The following TMEM143 variants were observed in gnomAD, a reference collection of about 807,000 sequenced individuals.
TMEM143 encodes transmembrane protein 143.
Under a neutral mutation model 40.3 loss-of-function variants are expected in TMEM143, and 45 were observed. That is an observed-to-expected ratio of 1.12 (90% CI 0.88 to 1.43). The LOEUF is 1.43. Among genes scored for constraint, TMEM143 ranks in the 40% most tolerant of loss-of-function variants. The probability of loss-of-function intolerance (pLI) is 0.00; values close to 1 mark genes in which losing one functional copy is unlikely to be tolerated. For missense variants in TMEM143, 620 were observed against 613.4 expected (o/e 1.01, Z -0.11); for synonymous variants, 299 against 282.7 (o/e 1.06, Z -0.58).
rs1969251312 is a variant in TMEM143, at chr19:48,333,132, A to G, written c.*87T>C. ...TCAGTTATTGGAAGTTGGAGTGAAA[A>G]GTATAATAACCGTAATTGACAGCCT... On this transcript the variant is annotated 3_prime_UTR_variant, in exon 8 of 8. Transcript: ENST00000293261. The surrounding 1 kb of genome is among the most constrained non-coding windows in gnomAD (Gnocchi z 4.1). 3 of 1,074,896 alleles carry G rather than the reference A, an allele frequency of 2.8e-6. No individual in the cohort carries two copies. Among genetic ancestry groups the G allele is most frequent in the Non-Finnish European group, 3.8e-6 (3 of 797,974 alleles). 66.6% of individuals were successfully genotyped at this position (1,074,896 alleles called of 1,614,324 possible).
intron 6 of TMEM143, among the ~76,000 whole-genome samples, chr19:48,342,160 G>A (rs1344360143): frequency 1.9e-5 from 2 of 106,450 alleles, no homozygotes; most frequent in Admixed American, 9.2e-5. Flanking sequence ...GGAAGGGAGG[G>A]AGGGAGGGGA....
chr19:48,358,756 C>G (rs1969967547), intron 3 of TMEM143, among the ~76,000 whole-genome samples: 1 of 152,172 alleles, frequency 6.6e-6, no homozygotes, highest in Non-Finnish European at 1.5e-5. Context: ...GATGTCCCTG[C>G]CTCTGATAGT....
At chr19:48,334,854 G>T (rs981336052) in intron 6 of TMEM143, among the ~76,000 whole-genome samples, 2 of 152,036 alleles carry the variant, frequency 1.3e-5, no homozygotes, top group African/African-American at 4.8e-5. Context: ...ATAGTGCTGG[G>T]GTTACAGGCG....
intron 6 of TMEM143, among the ~76,000 whole-genome samples, chr19:48,335,787 A>T (rs1969354209): frequency 6.6e-6 from 1 of 152,052 alleles, no homozygotes. Context: ...CCAGCTACTC[A>T]TGAGGCTGAA....
chr19:48,354,863 T>C (rs1382354528), intron 3 of TMEM143, among the ~76,000 whole-genome samples: 1 of 152,122 alleles, frequency 6.6e-6, no homozygotes, highest in East Asian at 1.9e-4. Flanking sequence ...ACTTAAGTCA[T>C]CAGCAAATGG....
rs763733273 is a variant in TMEM143 at position 48,342,623 on chromosome 19, G to A, written c.882C>T (p.Val294=). Residue 294 remains valine (V), a synonymous_variant, in exon 6 of 8, where the codon GTC becomes GTT. Transcript: ENST00000293261. The part of the protein sequence containing the change: ...MLVVSGVAIF[V]NVGMVVLTDL... ...CGGTTAGCACCACCATGCCCACGTT[G>A]ACGAAGATCGCCACGCCGGAGACTA... 1 of 1,613,944 alleles carries A rather than the reference G, an allele frequency of 6.2e-7. No individual in the cohort carries two copies. The highest frequency in any genetic ancestry group is 8.5e-7 in the Non-Finnish European group (1 of 1,180,004).
At chr19:48,356,813 C>T (rs1338881492) in intron 3 of TMEM143, among the ~76,000 whole-genome samples, 2 of 149,374 alleles carry the variant, frequency 1.3e-5, no homozygotes, top group African/African-American at 2.5e-5. Context: ...AGGCTGGTCT[C>T]GAACTCCTGA....
At position 48,358,534 on chromosome 19, in the gene TMEM143, T is replaced by C. The variant is rs545507385; in HGVS notation, c.369+1538A>G. 6.4e-4 allele frequency among the ~76,000 whole-genome samples: 97 copies of C among 152,040 alleles called. 1 individual carries two copies. Among genetic ancestry groups the C allele is most frequent in the Admixed American group, 6.0e-3 (92 of 15,238 alleles). Reference sequence around the variant, plus strand: ...CCCATCCCAGTAAATGGCAGCTCCATCCTCCAGGAGGCTCAGGCCAGAACT... The same window carrying C: ...CCCATCCCAGTAAATGGCAGCTCCACCCTCCAGGAGGCTCAGGCCAGAACT... On this transcript the variant is annotated intron_variant, in intron 3 of 7. Coordinates refer to ENST00000293261, the MANE Select transcript of TMEM143 (RefSeq NM_018273.4).
chr19:48,348,798 G>A (rs1324112905), intron 3 of TMEM143, among the ~76,000 whole-genome samples: 3 of 152,116 alleles, frequency 2.0e-5, no homozygotes, highest in South Asian at 2.1e-4. Flanking sequence ...TACTGCCCTC[G>A]GGAATCAGGA....
chr19:48,355,706 C>T (rs532071704), intron 3 of TMEM143, among the ~76,000 whole-genome samples: 57 of 152,310 alleles, frequency 3.7e-4, no homozygotes, highest in Non-Finnish European at 6.3e-4. Flanking sequence ...GTCCAAACCC[C>T]GCACATTCCA....
At chr19:48,340,522 C>T (rs1969465365) in intron 6 of TMEM143, among the ~76,000 whole-genome samples, 1 of 152,088 alleles carries the variant, frequency 6.6e-6, no homozygotes, top group Admixed American at 6.6e-5. Context: ...ACCTTGGCCT[C>T]CTGAGTAGCT....
In TMEM143 at chr19:48,342,711, A is replaced by G. The variant is rs746165910; in HGVS notation, c.794T>C (p.Leu265Pro). 3.3e-5 allele frequency: 54 copies of G among 1,614,050 alleles called. No individual in the cohort carries two copies. The highest frequency in any genetic ancestry group is 4.5e-5 in the Non-Finnish European group (53 of 1,180,028). ...KDTPLEGLEQ[L>P]LPELKVRTPT... ...CGTGCGCACCTTCAGCTCCGGCAGC[A>G]GCTGCTCCAGGCCTTCCAGCGGCGT... Residue 265 changes from leucine (L) to proline (P), a missense_variant, in exon 6 of 8, where the codon CTG (leucine) becomes CCG (proline). Coordinates refer to ENST00000293261, the MANE Select transcript of TMEM143 (RefSeq NM_018273.4).
In TMEM143 at chr19:48,357,349, C is replaced by CT. The variant is rs1195099137; in HGVS notation, c.369+2722dup. Among the ~76,000 whole-genome samples the CT allele has an allele frequency of 5.0e-3, 376 of 74,806 alleles. 5 individuals carry two copies. The highest frequency in any genetic ancestry group is 7.3e-3 in the Non-Finnish European group (299 of 41,062). The allele number at this position is 74,806 out of a possible 152,430, so 49.1% of individuals were successfully genotyped here. A position where few individuals can be genotyped will look rare whatever the true frequency, so the allele number is the denominator to read the frequency against. ...GATCCACATATTCAAGTCTATCTTTCTTTTTTTTTTTTTTTTTTTTTCTGA... is the reference window on the plus strand; with the variant it reads ...GATCCACATATTCAAGTCTATCTTTCTTTTTTTTTTTTTTTTTTTTTTCTGA... On this transcript the variant is annotated intron_variant, in intron 3 of 7. Transcript: ENST00000293261.
Position 48,332,750 on chromosome 19 carries a change from C to A in TMEM143, c.*469G>T, listed in dbSNP as rs1969239974. 3 of 153,646 alleles carry A rather than the reference C, an allele frequency of 2.0e-5. No homozygotes were observed. The South Asian group carries it at 6.1e-4, about 31-fold the overall frequency. The allele number at this position is 153,646 out of a possible 1,614,324, so 9.5% of individuals were successfully genotyped here. ...AGTTGATGGAACCCAGCAGCTGTCA[C>A]TGGACGTTTGCCAGGAGGCAGGGCT... On this transcript the variant is annotated 3_prime_UTR_variant, in exon 8 of 8. Transcript: ENST00000293261.
chr19:48,347,554 C>CTTTTTTT (rs1309165553), intron 3 of TMEM143, among the ~76,000 whole-genome samples: 2 of 128,458 alleles, frequency 1.6e-5, no homozygotes, highest in Non-Finnish European at 3.3e-5. Flanking sequence ...CTCTACAAAA[C>CTTTTTTT]TTTTTTTTTT....
chr19:48,335,271 A>C (rs1442666366), intron 6 of TMEM143, among the ~76,000 whole-genome samples: 2 of 152,194 alleles, frequency 1.3e-5, no homozygotes, highest in African/African-American at 4.8e-5. Flanking sequence ...AATGAAGGAA[A>C]AAATGGTTTA....
At chr19:48,334,420 T>C (rs572397891) in intron 6 of TMEM143, among the ~76,000 whole-genome samples, 12 of 13,824 alleles carry the variant, frequency 8.7e-4, no homozygotes, top group East Asian at 2.8e-3. Flanking sequence ...TTTTCTCTCT[T>C]TCTTTCTTTC....
chr19:48,357,308 T>A (rs1969927035), intron 3 of TMEM143, among the ~76,000 whole-genome samples: 1 of 146,522 alleles, frequency 6.8e-6, no homozygotes, highest in Non-Finnish European at 1.5e-5. Flanking sequence ...AGCCCAGACC[T>A]CTCCCTTCAC....
chr19:48,360,385 G>C (rs1285200455), intron 2 of TMEM143: 3 of 497,986 alleles, frequency 6.0e-6, no homozygotes, highest in Non-Finnish European at 1.1e-5. Flanking sequence ...CAAGACCAGC[G>C]TGGCCAACAT....
Sources: gnomAD v4.1 joint callset for allele counts (sites outside exome capture counted in the v4.1 genomes callset) on GRCh38, gnomAD v4.1.1 for gene constraint, Gnocchi (gnomAD v3.1) non-coding constraint, MANE v1.5 for transcripts, NCBI Gene and HGNC (gene_info 2026-07-23, HGNC 2026-07-21) for gene names.